MTUS2: variants seen among roughly 807,000 people sequenced by gnomAD.
The protein encoded by MTUS2 is microtubule-associated tumor suppressor candidate 2.
Under a neutral mutation model 114.1 loss-of-function variants are expected in MTUS2, and 40 were observed. That is an observed-to-expected ratio of 0.35 (90% CI 0.27 to 0.46). The LOEUF (loss-of-function observed/expected upper bound fraction) is 0.46. Among genes scored for constraint, MTUS2 ranks in the 20% least tolerant of loss-of-function variants. The probability of loss-of-function intolerance (pLI) is 1.00; values close to 1 mark genes in which losing one functional copy is unlikely to be tolerated. For synonymous variants in MTUS2, 688 were observed against 672.0 expected, an observed-to-expected ratio of 1.02 and a Z score of -0.37; for missense variants, 1,679 against 1,705.4, an observed-to-expected ratio of 0.98 and a Z score of 0.27.
chr13:29,348,231 A>G (rs921912327), intron 7 of MTUS2, among the ~76,000 whole-genome samples: 1 of 152,132 alleles, frequency 6.6e-6, no homozygotes. Context: ...AAGACAGTCT[A>G]TTAGGGCAAA....
intron 8 of MTUS2, among the ~76,000 whole-genome samples, chr13:29,400,324 A>AT (rs1316796350): frequency 1.5e-4 from 23 of 152,234 alleles, no homozygotes; most frequent in Admixed American, 1.5e-3. Context: ...GGTGTACAGC[A>AT]TGCGTGAAGA....
chr13:28,938,250 C>T (rs756528432), intron 2 of MTUS2, among the ~76,000 whole-genome samples: 4 of 151,880 alleles, frequency 2.6e-5, no homozygotes, highest in Admixed American at 6.6e-5. Flanking sequence ...GGCATGGTGT[C>T]GCGTGCCTGT....
At chr13:29,116,276 A>G (rs1891081646) in intron 5 of MTUS2, among the ~76,000 whole-genome samples, 1 of 152,226 alleles carries the variant, frequency 6.6e-6, no homozygotes, top group African/African-American at 2.4e-5. Flanking sequence ...TATTATTTTT[A>G]CCCTAAATAT....
chr13:28,845,862 G>C (rs2793653), intron 2 of MTUS2, among the ~76,000 whole-genome samples: 2 of 151,344 alleles, frequency 1.3e-5, no homozygotes, highest in Non-Finnish European at 2.9e-5. Flanking sequence ...CTGGCTTGCA[G>C]CTCTGTAAGG....
intron 8 of MTUS2, among the ~76,000 whole-genome samples, chr13:29,433,777 T>C (rs2138653150): frequency 6.6e-6 from 1 of 152,332 alleles, no homozygotes; most frequent in Admixed American, 6.5e-5. Flanking sequence ...TAAACCCTAA[T>C]TTAAACTCAT....
Position 29,026,263 on chromosome 13 carries a change from C to A in MTUS2, c.1565C>A (p.Thr522Asn). Residue 522 changes from threonine (T) to asparagine (N), a missense_variant, in exon 3 of 16, where the codon ACC becomes AAC. Physicochemically the swap from Thr to Asn is moderately conservative, Grantham distance 65. This residue lies in a region of MTUS2 where 843 missense variants were observed against 770.8 expected (regional missense o/e 1.09). Transcript: ENST00000612955. ...LLENADKIES[T>N]SARADSVLNI... is the part of the protein sequence containing the mutation. The stretch of plus-strand genomic sequence containing the variant: ...GAGAATGCAGATAAGATTGAAAGCA[C>A]CTCAGCAAGAGCAGATTCAGTTCTC... The A allele has an allele frequency of 6.2e-7, 1 of 1,613,988 alleles. No homozygotes were observed. Among genetic ancestry groups the A allele is most frequent in the Non-Finnish European group, 8.5e-7 (1 of 1,179,898 alleles).
At chr13:29,357,188 A>G (rs968087440) in intron 7 of MTUS2, among the ~76,000 whole-genome samples, 1 of 151,888 alleles carries the variant, frequency 6.6e-6, no homozygotes, top group African/African-American at 2.4e-5. Context: ...GATGATGATG[A>G]TGATGATGAT....
intron 8 of MTUS2, among the ~76,000 whole-genome samples, chr13:29,384,928 G>A (rs1872531881): frequency 6.6e-6 from 1 of 152,230 alleles, no homozygotes. Flanking sequence ...GCTTTGAAAA[G>A]TACAGTTGTG....
intron 5 of MTUS2, among the ~76,000 whole-genome samples, chr13:29,157,921 A>C (rs1892932271): frequency 1.3e-5 from 2 of 152,240 alleles, no homozygotes; most frequent in Non-Finnish European, 2.9e-5. Context: ...TAATGCAAAA[A>C]GTTGGTTAAG....
At chr13:29,424,937 C>G (rs1876397149) in intron 8 of MTUS2, among the ~76,000 whole-genome samples, 1 of 151,976 alleles carries the variant, frequency 6.6e-6, no homozygotes, top group Admixed American at 6.6e-5. Flanking sequence ...AACAAAGAAA[C>G]CAGGAAAATT....
chr13:29,499,155 G>A (rs1392981820), intron 14 of MTUS2, among the ~76,000 whole-genome samples: 2 of 152,126 alleles, frequency 1.3e-5, no homozygotes, highest in African/African-American at 2.4e-5. Flanking sequence ...GAATTTGGGG[G>A]GACACAAACA....
At chr13:29,091,708 G>C (rs1889959651) in intron 4 of MTUS2, among the ~76,000 whole-genome samples, 1 of 152,162 alleles carries the variant, frequency 6.6e-6, no homozygotes, top group South Asian at 2.1e-4. Flanking sequence ...TCCAGACTGA[G>C]ACACATGCCT....
chr13:29,185,621 G>T (rs1894191565), intron 5 of MTUS2, among the ~76,000 whole-genome samples: 1 of 152,098 alleles, frequency 6.6e-6, no homozygotes, highest in East Asian at 1.9e-4. Flanking sequence ...GAAAGCAGTG[G>T]GATGACATAT....
At chr13:28,950,969 G>C (rs1238439429) in intron 2 of MTUS2, among the ~76,000 whole-genome samples, 1 of 152,130 alleles carries the variant, frequency 6.6e-6, no homozygotes, top group Non-Finnish European at 1.5e-5. Context: ...GTAAAACAAG[G>C]TGTACCTGTA....
chr13:28,891,480 A>T (rs57976393), intron 2 of MTUS2, among the ~76,000 whole-genome samples: 1 of 152,314 alleles, frequency 6.6e-6, no homozygotes, highest in African/African-American at 2.4e-5. Flanking sequence ...TTGAACTGAA[A>T]GGCATTAAAA....
intron 8 of MTUS2, among the ~76,000 whole-genome samples, chr13:29,393,484 G>A (rs1364511597): frequency 6.6e-6 from 1 of 152,124 alleles, no homozygotes; most frequent in African/African-American, 2.4e-5. Context: ...TCTTGTCAGG[G>A]AGGTTCTGTG....
intron 5 of MTUS2, among the ~76,000 whole-genome samples, chr13:29,139,022 G>A (rs554089424): frequency 1.8e-4 from 27 of 150,244 alleles, no homozygotes; most frequent in African/African-American, 6.3e-4. Flanking sequence ...AATATGTTAA[G>A]TTCAGTTTCC....
chr13:28,993,534 A>G (rs1051660675), intron 2 of MTUS2, among the ~76,000 whole-genome samples: 3 of 152,032 alleles, frequency 2.0e-5, no homozygotes, highest in Non-Finnish European at 2.9e-5. Flanking sequence ...TAGGATTCTT[A>G]TATTTGAGGT....
chr13:29,250,058 G>T (rs899029408), intron 5 of MTUS2, among the ~76,000 whole-genome samples: 1 of 152,054 alleles, frequency 6.6e-6, no homozygotes, highest in African/African-American at 2.4e-5. Context: ...CACAGCAAAA[G>T]ATACCCTGTA....
Sources: gnomAD v4.1 joint callset for allele counts (sites outside exome capture counted in the v4.1 genomes callset) on GRCh38, gnomAD v4.1.1 for gene constraint, gnomAD v4.1.1 regional missense constraint, MANE v1.5 for transcripts, NCBI Gene and HGNC (gene_info 2026-07-23, HGNC 2026-07-21) for gene names.